The following USP4 variants were observed in gnomAD, a reference collection of about 807,000 sequenced individuals.
USP4 encodes the protein ubiquitin specific peptidase 4, also known as ubiquitin carboxyl-terminal hydrolase 4.
Under a neutral mutation model 118.2 loss-of-function variants are expected in USP4, and 72 were observed. The observed-to-expected ratio is 0.61, with a 90% CI of 0.50 to 0.74. The LOEUF is 0.74. USP4 is among the 30% of genes least tolerant of loss of function. The pLI, the probability that USP4 is intolerant of heterozygous loss-of-function variation, is 0.00. For missense variants in USP4, 1,037 were observed against 1,185.7 expected (o/e 0.87, Z 1.84); for synonymous variants, 415 against 440.4 (o/e 0.94, Z 0.72).
chr3:49,281,794 T>A (rs1291550713), intron 19 of USP4, among the ~76,000 whole-genome samples: 2 of 149,592 alleles, frequency 1.3e-5, no homozygotes, highest in African/African-American at 2.5e-5. Context: ...GGGTGGATCA[T>A]GAGGTCAGGA....
intron 1 of USP4, among the ~76,000 whole-genome samples, chr3:49,335,915 G>C (rs2047664757): frequency 6.6e-6 from 1 of 152,100 alleles, no homozygotes; most frequent in African/African-American, 2.4e-5. Context: ...CCAGGCTGGA[G>C]TATAGTGACA....
rs770263746 is a variant in USP4 at position 49,305,902 on chromosome 3, T to C, written c.955-14A>G. ...GTTGCTCAAACACTGAAACAGAACA[T>C]GATGAGGGCTTTACACACCTTCTAG... On this transcript the variant is annotated splice_polypyrimidine_tract_variant and intron_variant, in intron 8 of 21. Transcript: ENST00000265560. 2 of 1,610,396 alleles carry C rather than the reference T, an allele frequency of 1.2e-6. No homozygotes were observed. Among genetic ancestry groups the C allele is most frequent in the Non-Finnish European group, 1.7e-6 (2 of 1,178,204 alleles).
Position 49,278,398 on chromosome 3 carries a change from CTT to C in USP4, c.2785_2786del (p.Lys929AspfsTer5), listed in dbSNP as rs1341998224. On this transcript the variant is annotated frameshift_variant, in exon 22 of 22. Transcript: ENST00000265560. LOFTEE classifies it high-confidence loss of function. The stretch of plus-strand genomic sequence containing the variant: ...AACCAGAACTGCTAAGTGAAGGTGT[CTT>C]ATAAAATTCATCATCTCGACGTTGG... ...FYQRRDDEFY[K>X]TPSLSSSGSS... The C allele has an allele frequency of 8.7e-6, 14 of 1,613,980 alleles. No homozygotes were observed. Among genetic ancestry groups the C allele is most frequent in the East Asian group, 2.2e-5 (1 of 44,890 alleles).
Position 49,325,830 on chromosome 3 carries a change from G to A in USP4, c.376C>T (p.Leu126=). ...PIVRKVVEHG[L]FVKHCKVEVY... is the part of the protein sequence containing the mutation. ...TCGACTTTGCAGTGCTTGACAAACA[G>A]GCCATGCTCCACAACCTATGAACAA... The change falls in exon 4 of 22, where the codon CTG becomes TTG. Residue 126 remains leucine (L), a synonymous_variant. Transcript: ENST00000265560. 6.2e-7 allele frequency: 1 copy of A among 1,613,722 alleles called. No homozygotes were observed. Among genetic ancestry groups the A allele is most frequent in the African/African-American group, 1.3e-5 (1 of 75,024 alleles).
intron 2 of USP4, among the ~76,000 whole-genome samples, chr3:49,331,115 G>A (rs1248046013): frequency 6.6e-6 from 1 of 151,448 alleles, no homozygotes; most frequent in Non-Finnish European, 1.5e-5. Context: ...GAGGTCGAGA[G>A]TTCGAGACCA....
chr3:49,277,333 G>C lies in USP4; in HGVS notation c.*960C>G. 1.0e-6 allele frequency: 1 copy of C among 994,080 alleles called. No homozygotes were observed. Among genetic ancestry groups the C allele is most frequent in the Non-Finnish European group, 1.3e-6 (1 of 740,846 alleles). 61.6% of individuals were successfully genotyped at this position (994,080 alleles called of 1,614,324 possible). A position where few individuals can be genotyped will look rare whatever the true frequency, so the allele number is the denominator to read the frequency against. ...CCTTAAGGCCTTGCCCACACGCAGC[G>C]GCTGGCCCCGCGGTGGGAGTGGGGA... On this transcript the variant is annotated 3_prime_UTR_variant, in exon 22 of 22. Coordinates refer to ENST00000265560, the MANE Select transcript of USP4 (RefSeq NM_003363.4).
chr3:49,313,157 C>T (rs2047404115), intron 6 of USP4, among the ~76,000 whole-genome samples: 1 of 152,108 alleles, frequency 6.6e-6, no homozygotes, highest in Non-Finnish European at 1.5e-5. Flanking sequence ...TCCCAAAGTG[C>T]TGGGATTATA....
intron 1 of USP4, among the ~76,000 whole-genome samples, chr3:49,336,674 C>T (rs1396975045): frequency 1.3e-5 from 2 of 151,752 alleles, no homozygotes; most frequent in African/African-American, 4.8e-5. Context: ...AGGTGTGTGC[C>T]ACCACACCTG....
Position 49,283,261 on chromosome 3 carries a change from A to G in USP4, c.2540+726T>C, listed in dbSNP as rs192182499. 8.9e-3 allele frequency among the ~76,000 whole-genome samples: 1,343 copies of G among 151,678 alleles called. 10 individuals carry two copies. Among genetic ancestry groups the G allele is most frequent in the South Asian group, 0.016 (76 of 4,800 alleles). ...GATCTCCAGACCTTGTGATCTGCCC[A>G]CCTTGGCCTCCCAAAGTGCTGGGAT... On this transcript the variant is annotated intron_variant, in intron 19 of 21. Coordinates refer to ENST00000265560, the MANE Select transcript of USP4 (RefSeq NM_003363.4).
chr3:49,306,236 G>A (rs1179031844), intron 8 of USP4, among the ~76,000 whole-genome samples: 2 of 142,252 alleles, frequency 1.4e-5, no homozygotes, highest in Admixed American at 7.2e-5. Context: ...AGACAGTTTC[G>A]ATCTTGTCCA....
At chr3:49,301,454 G>A (rs1457289881) in intron 10 of USP4, among the ~76,000 whole-genome samples, 2 of 152,080 alleles carry the variant, frequency 1.3e-5, no homozygotes, top group African/African-American at 2.4e-5. Flanking sequence ...TTGGGAGGCC[G>A]AAGCAGGCGG....
chr3:49,284,579 G>C lies in USP4; in HGVS notation c.2277C>G (p.Tyr759Ter). The change falls in exon 18 of 22, where the codon TAC (tyrosine) becomes TAG (stop). Residue 759 changes from tyrosine (Y) to a stop codon, truncating the protein, a stop_gained. Coordinates refer to ENST00000265560, the MANE Select transcript of USP4 (RefSeq NM_003363.4). LOFTEE classifies it high-confidence loss of function. Reference sequence around the variant, plus strand: ...GCTGCAACATGCTCACATGCTTCTCGTAGGCCTATGGGAATCAAAGCACTC... The same window carrying C: ...GCTGCAACATGCTCACATGCTTCTCCTAGGCCTATGGGAATCAAAGCACTC... Reference protein sequence around the residue: ...LYYDEQESEAYEKHVSMLQPQ... With the variant: ...LYYDEQESEA 1 of 1,613,606 alleles carries C rather than the reference G, an allele frequency of 6.2e-7. No individual in the cohort carries two copies. The highest frequency in any genetic ancestry group is 8.5e-7 in the Non-Finnish European group (1 of 1,179,710).
rs143074429 is a variant in USP4, at chr3:49,327,733, G to T, written c.313C>A (p.Leu105Ile). The change falls in exon 3 of 22, where the codon CTA becomes ATA. Residue 105 changes from leucine to isoleucine, a missense_variant. Coordinates refer to ENST00000265560, the MANE Select transcript of USP4 (RefSeq NM_003363.4). ...CCTTCTACACAGCCGTACCAGTTTA[G>T]TAGTTTATTCCACGCCTCGGTAGGG... Reference protein sequence around the residue: ...LVPTEAWNKLLNWYGCVEGQQ... With the variant: ...LVPTEAWNKLINWYGCVEGQQ... 41 of 1,614,108 alleles carry T rather than the reference G, an allele frequency of 2.5e-5. No homozygotes were observed. In the African/African-American group the frequency reaches 4.7e-4, roughly 18 times the overall value.
chr3:49,282,706 CT>C (rs999862081), intron 19 of USP4, among the ~76,000 whole-genome samples: 31 of 149,062 alleles, frequency 2.1e-4, no homozygotes, highest in African/African-American at 5.9e-4. Flanking sequence ...GGGCAACTCC[CT>C]TTTTTTTTTC....
intron 15 of USP4, among the ~76,000 whole-genome samples, chr3:49,291,279 TAA>T (rs780101038): frequency 2.2e-4 from 24 of 110,038 alleles, no homozygotes; most frequent in Non-Finnish European, 2.3e-4. Context: ...ACCCTACTCT[TAA>T]AAAAAAAAAA....
intron 13 of USP4, 78 bp from the exon 14 acceptor site, chr3:49,294,676 T>C: frequency 6.4e-6 from 9 of 1,402,978 alleles, no homozygotes; most frequent in Non-Finnish European, 8.9e-6. Flanking sequence ...AGCTATGTGG[T>C]GGCCAGGGCT....
rs1441772391 is a variant in USP4, at chr3:49,284,580, T to C, written c.2276A>G (p.Tyr759Cys). The C allele has an allele frequency of 3.1e-6, 5 of 1,613,854 alleles. No individual in the cohort carries two copies. The highest frequency in any genetic ancestry group is 4.2e-6 in the Non-Finnish European group (5 of 1,179,852). Residue 759 changes from tyrosine (Y) to cysteine (C), a missense_variant, in exon 18 of 22, where the codon TAC becomes TGC. By Grantham distance (194) the Tyr-to-Cys change is radical (BLOSUM62 -2). Coordinates refer to ENST00000265560, the MANE Select transcript of USP4 (RefSeq NM_003363.4). The stretch of plus-strand genomic sequence containing the variant: ...CTGCAACATGCTCACATGCTTCTCG[T>C]AGGCCTATGGGAATCAAAGCACTCA... The part of the protein sequence containing the change: ...LYYDEQESEA[Y>C]EKHVSMLQPQ...
intron 6 of USP4, among the ~76,000 whole-genome samples, chr3:49,314,804 T>A (rs1189957756): frequency 6.6e-6 from 1 of 151,996 alleles, no homozygotes; most frequent in Non-Finnish European, 1.5e-5. Flanking sequence ...GTGGGAGGAC[T>A]GCTTGAGGCC....
chr3:49,278,161 C>A lies in USP4; in HGVS notation c.*132G>T. 1.0e-6 allele frequency: 1 copy of A among 966,802 alleles called. No individual in the cohort carries two copies. The highest frequency in any genetic ancestry group is 1.4e-6 in the Non-Finnish European group (1 of 702,914). The allele number at this position is 966,802 out of a possible 1,614,324, so 59.9% of individuals were successfully genotyped here. A position where few individuals can be genotyped will look rare whatever the true frequency, so the allele number is the denominator to read the frequency against. ...GGTCTTCTTTTTTTTTTTTTGTTTC[C>A]TTCTGCTCATAAAAGAAGGGTATTT... On this transcript the variant is annotated 3_prime_UTR_variant, in exon 22 of 22. Transcript: ENST00000265560.
Sources: gnomAD v4.1 joint callset for allele counts (sites outside exome capture counted in the v4.1 genomes callset) on GRCh38, gnomAD v4.1.1 for gene constraint, MANE v1.5 for transcripts, NCBI Gene and HGNC (gene_info 2026-07-23, HGNC 2026-07-21) for gene names.